The following ALDH1A2 variants were observed in gnomAD, a reference collection of about 807,000 sequenced individuals.
The protein encoded by ALDH1A2 is aldehyde dehydrogenase 1 family member A2.
Under a neutral mutation model 60.3 loss-of-function variants are expected in ALDH1A2, and 27 were observed. The ratio of observed to expected loss-of-function variants is 0.45; its 90% confidence interval spans 0.33 to 0.62. ALDH1A2 has a LOEUF of 0.62. ALDH1A2 is among the 20% of genes least tolerant of loss of function. The probability of loss-of-function intolerance (pLI) is 0.02; values close to 1 mark genes in which losing one functional copy is unlikely to be tolerated. For synonymous variants in ALDH1A2, 289 were observed against 232.4 expected (o/e 1.24, Z -2.21); for missense variants, 581 against 643.8 (o/e 0.90, Z 1.06).
chr15:58,049,455 G>A (rs945358929), intron 1 of ALDH1A2, among the ~76,000 whole-genome samples: 6 of 152,178 alleles, frequency 3.9e-5, no homozygotes, highest in Admixed American at 1.3e-4. Flanking sequence ...TATGCACTGA[G>A]ACTTTTTATT....
intron 1 of ALDH1A2, among the ~76,000 whole-genome samples, chr15:58,019,641 G>T (rs1347595359): frequency 2.0e-5 from 3 of 152,132 alleles, no homozygotes; most frequent in African/African-American, 4.8e-5. Flanking sequence ...TTTCTCAGAG[G>T]TTGGAGGGAT....
At chr15:58,045,242 C>T (rs1896608471) in intron 1 of ALDH1A2, among the ~76,000 whole-genome samples, 1 of 151,940 alleles carries the variant, frequency 6.6e-6, no homozygotes, top group Admixed American at 6.6e-5. Context: ...AGTCAGGAAA[C>T]AATAGATGCT....
At chr15:58,043,074 C>T (rs8027964) in intron 1 of ALDH1A2, among the ~76,000 whole-genome samples, 62,576 of 151,632 alleles carry the variant, frequency 0.41, 13,101 homozygotes, top group Non-Finnish European at 0.44. Context: ...TGTTTTAGTC[C>T]TGGTTTCATG....
At chr15:57,987,770 A>G (rs540864422) in intron 7 of ALDH1A2, among the ~76,000 whole-genome samples, 1 of 151,968 alleles carries the variant, frequency 6.6e-6, no homozygotes, top group South Asian at 2.1e-4. Flanking sequence ...CTGTAGTCCC[A>G]GCTACTCGGA....
At chr15:58,063,395 T>A (rs1595701109) in intron 1 of ALDH1A2, among the ~76,000 whole-genome samples, 2 of 152,206 alleles carry the variant, frequency 1.3e-5, no homozygotes, top group African/African-American at 4.8e-5. Flanking sequence ...GACTGTCCAT[T>A]CTATCTTGTT....
intron 7 of ALDH1A2, chr15:57,991,733 T>C (rs1168590817): frequency 6.6e-6 from 1 of 152,246 alleles, no homozygotes; most frequent in African/African-American, 2.4e-5. Context: ...TAATTTCACG[T>C]ATTTTTTAAT....
chr15:57,960,919 T>C, intron 11 of ALDH1A2, 75 bp from the exon 12 acceptor site: 5 of 1,444,338 alleles, frequency 3.5e-6, no homozygotes, highest in Non-Finnish European at 3.8e-6. Flanking sequence ...GGTATTTCTT[T>C]TAGAAGTTTT....
chr15:58,046,234 G>T (rs1246540398), intron 1 of ALDH1A2, among the ~76,000 whole-genome samples: 5 of 152,016 alleles, frequency 3.3e-5, no homozygotes, highest in African/African-American at 1.2e-4. Context: ...AAACAGTAAA[G>T]ATCATAAAGT....
chr15:57,967,718 G>A (rs1893941236), intron 7 of ALDH1A2, among the ~76,000 whole-genome samples: 1 of 152,192 alleles, frequency 6.6e-6, no homozygotes, highest in Non-Finnish European at 1.5e-5. Context: ...ACTTACCAAG[G>A]TGTTGGAAAA....
rs1895717942 is a variant in ALDH1A2 at position 58,014,053 on chromosome 15, C to A, written c.223-55G>T. 32 of 1,613,904 alleles carry A rather than the reference C, an allele frequency of 2.0e-5. No individual in the cohort carries two copies. In the South Asian group the frequency reaches 3.5e-4, roughly 18 times the overall value. ...AAAAACACTCCAAATAAAGGAAGAA[C>A]CATCCACTGTCATGAAAAAAGTGAA... On this transcript the variant is annotated intron_variant, in intron 2 of 12. Transcript: ENST00000249750.
intron 7 of ALDH1A2, among the ~76,000 whole-genome samples, chr15:57,974,289 T>C (rs1894166217): frequency 6.6e-6 from 1 of 151,566 alleles, no homozygotes; most frequent in African/African-American, 2.4e-5. Context: ...AAACATTAGC[T>C]GGGCAAGGTG....
intron 4 of ALDH1A2, among the ~76,000 whole-genome samples, chr15:58,006,376 T>C (rs1261479035): frequency 2.0e-5 from 3 of 152,040 alleles, no homozygotes; most frequent in East Asian, 3.9e-4. Flanking sequence ...TAGTATTCCA[T>C]GGTGCATATT....
Position 57,954,069 on chromosome 15 carries a change from G to C in ALDH1A2, c.*1128C>G, listed in dbSNP as rs1213612600. On this transcript the variant is annotated 3_prime_UTR_variant, in exon 13 of 13. Transcript: ENST00000249750. ...CAGAGGAGCTCAGTGGAGCACGGCAGTCCTGGCACAATGGAACTTGGCAAA... is the reference window on the plus strand; with the variant it reads ...CAGAGGAGCTCAGTGGAGCACGGCACTCCTGGCACAATGGAACTTGGCAAA... 1 of 152,464 alleles carries C rather than the reference G, an allele frequency of 6.6e-6. No individual in the cohort carries two copies. Among genetic ancestry groups the C allele is most frequent in the South Asian group, 2.1e-4 (1 of 4,836 alleles). The allele number at this position is 152,464 out of a possible 1,614,324, so 9.4% of individuals were successfully genotyped here. A position where few individuals can be genotyped will look rare whatever the true frequency, so the allele number is the denominator to read the frequency against.
At chr15:58,000,941 A>T (rs1304181010) in intron 4 of ALDH1A2, among the ~76,000 whole-genome samples, 2 of 141,330 alleles carry the variant, frequency 1.4e-5, no homozygotes, top group Non-Finnish European at 3.0e-5. Context: ...ATTTTTATTT[A>T]TTTTTTGTCT....
At chr15:58,014,050 G>T (rs748836102) in intron 2 of ALDH1A2, 52 bp from the exon 3 acceptor site, 6 of 1,613,870 alleles carry the variant, frequency 3.7e-6, no homozygotes, top group Non-Finnish European at 5.1e-6. Flanking sequence ...AATAAAGGAA[G>T]AACCATCCAC....
chr15:57,967,170 ATTTTTT>A (rs34306826), intron 7 of ALDH1A2, among the ~76,000 whole-genome samples: 1 of 141,730 alleles, frequency 7.1e-6, no homozygotes, highest in South Asian at 2.3e-4. Context: ...GACTGCCTGG[ATTTTTT>A]TTTTTTTTTT....
chr15:57,961,026 G>A, intron 11 of ALDH1A2, 111 bp downstream of exon 11: 2 of 1,470,762 alleles, frequency 1.4e-6, no homozygotes, highest in Middle Eastern at 3.5e-4. Context: ...CTTTTCTGGT[G>A]AACTTTGGTT....
chr15:58,061,574 A>C (rs1363626196), intron 1 of ALDH1A2, among the ~76,000 whole-genome samples: 1 of 148,528 alleles, frequency 6.7e-6, no homozygotes, highest in East Asian at 2.0e-4. Context: ...CACAAAATAT[A>C]AAGATTTAAA....
chr15:57,963,331 CAA>C (rs1371781485), intron 9 of ALDH1A2, among the ~76,000 whole-genome samples: 1 of 150,164 alleles, frequency 6.7e-6, no homozygotes, highest in Non-Finnish European at 1.5e-5. Flanking sequence ...AGCTTAGTCC[CAA>C]AGGTCAGAAT....
Sources: gnomAD v4.1 joint callset for allele counts (sites outside exome capture counted in the v4.1 genomes callset) on GRCh38, gnomAD v4.1.1 for gene constraint, MANE v1.5 for transcripts, NCBI Gene and HGNC (gene_info 2026-07-23, HGNC 2026-07-21) for gene names.